The following CDC16 variants were observed in gnomAD, a reference collection of about 807,000 sequenced individuals.
CDC16 encodes cell division cycle protein 16 homolog.
Under a neutral mutation model 87.0 loss-of-function variants are expected in CDC16, and 34 were observed. That is an observed-to-expected ratio of 0.39 (90% confidence interval 0.30 to 0.52). The LOEUF (loss-of-function observed/expected upper bound fraction) is 0.52. Among genes scored for constraint, CDC16 ranks in the 20% least tolerant of loss-of-function variants. CDC16 has a pLI of 0.74. For missense variants in CDC16, 653 were observed against 751.9 expected, an observed-to-expected ratio of 0.87 and a Z score of 1.54; for synonymous variants, 263 against 260.6, an observed-to-expected ratio of 1.01 and a Z score of -0.09.
chr13:114,266,072 C>A (rs1377194283), intron 17 of CDC16, among the ~76,000 whole-genome samples: 1 of 152,200 alleles, frequency 6.6e-6, no homozygotes, highest in African/African-American at 2.4e-5. Flanking sequence ...CTGCCTCGGC[C>A]TCTCAAAGTG....
intron 17 of CDC16, among the ~76,000 whole-genome samples, chr13:114,270,447 G>T (rs1016831622): frequency 3.3e-5 from 5 of 152,202 alleles, no homozygotes; most frequent in African/African-American, 1.2e-4. Context: ...TTCACCCTGA[G>T]ATTTGGTGGG....
chr13:114,242,181 C>A lies in CDC16; in HGVS notation c.442C>A (p.Leu148Met). Reference protein sequence around the residue: ...KIYDALDNRTLATYSYKEALK... With the variant: ...KIYDALDNRTMATYSYKEALK... ...CTATGATGCTCTAGATAACCGAACC[C>A]TGGCTACCTACAGCTACAAAGAAGC... Residue 148 changes from leucine to methionine, a missense_variant, in exon 6 of 18, where the codon CTG becomes ATG. Leu to Met is a conservative substitution (Grantham distance 15). Coordinates refer to ENST00000356221, the MANE Select transcript of CDC16 (RefSeq NM_001078645.3). 1 of 1,614,082 alleles carries A rather than the reference C, an allele frequency of 6.2e-7. No individual in the cohort carries two copies. The highest frequency in any genetic ancestry group is 8.5e-7 in the Non-Finnish European group (1 of 1,180,002).
intron 6 of CDC16, 64 bp downstream of exon 6, chr13:114,242,344 C>T (rs763624912): frequency 2.0e-6 from 3 of 1,472,986 alleles, no homozygotes; most frequent in South Asian, 1.2e-5. Flanking sequence ...GATTTTTTGC[C>T]TCTGAAATCT....
intron 17 of CDC16, among the ~76,000 whole-genome samples, chr13:114,271,771 G>A (rs560883962): frequency 1.1e-4 from 17 of 152,164 alleles, no homozygotes; most frequent in South Asian, 8.3e-4. Context: ...GTGAGCCACC[G>A]CGCCTGGCCA....
At position 114,239,346 on chromosome 13, in the gene CDC16, G is replaced by C; in HGVS notation, c.241-4G>C. ...GATGAGCGGCACTTCTGTTTTCCACGTAGTATGCTGCAAAAGAGCACCAGC... is the reference window on the plus strand; with the variant it reads ...GATGAGCGGCACTTCTGTTTTCCACCTAGTATGCTGCAAAAGAGCACCAGC... On this transcript the variant is annotated splice_polypyrimidine_tract_variant and splice_region_variant and intron_variant, in intron 4 of 17. Coordinates refer to ENST00000356221, the MANE Select transcript of CDC16 (RefSeq NM_001078645.3). 1 of 1,597,786 alleles carries C rather than the reference G, an allele frequency of 6.3e-7. No homozygotes were observed. The highest frequency in any genetic ancestry group is 1.1e-5 in the South Asian group (1 of 89,744).
chr13:114,236,543 T>C (rs1449535858), intron 1 of CDC16, 102 bp from the exon 2 acceptor site: 3 of 937,142 alleles, frequency 3.2e-6, no homozygotes, highest in Non-Finnish European at 2.8e-6. Context: ...TTACATAGAA[T>C]TATATTAATA....
intron 11 of CDC16, among the ~76,000 whole-genome samples, chr13:114,249,905 A>C (rs188651753): frequency 1.3e-5 from 2 of 152,222 alleles, no homozygotes; most frequent in African/African-American, 4.8e-5. Flanking sequence ...CTATACTATT[A>C]AACAGTTTTA....
intron 11 of CDC16, among the ~76,000 whole-genome samples, chr13:114,248,544 G>T (rs2081986443): frequency 6.6e-6 from 1 of 152,100 alleles, no homozygotes; most frequent in Non-Finnish European, 1.5e-5. Context: ...AGCTGGACAT[G>T]GTGGCATGCA....
chr13:114,269,963 C>G (rs144014192), intron 17 of CDC16, among the ~76,000 whole-genome samples: 5 of 152,214 alleles, frequency 3.3e-5, no homozygotes, highest in Admixed American at 1.3e-4. Context: ...GCCTCAGTCT[C>G]CGAAAGTGCT....
chr13:114,234,974 G>GGGCGGCGGC lies in CDC16; in HGVS notation c.-104_-96dup, dbSNP rs201328050. On this transcript the variant is annotated 5_prime_UTR_variant, in exon 1 of 18. Transcript: ENST00000356221. ...TCGAGTCCGCGGCCTTCGAGTCCTG[G>GGGCGGCGGC]GGCGGCGGCGGCGGCTGCAGGCACG... The GGGCGGCGGC allele has an allele frequency of 1.1e-4, 84 of 778,638 alleles. 1 individual carries two copies. Among genetic ancestry groups the GGGCGGCGGC allele is most frequent in the South Asian group, 3.2e-4 (6 of 18,466 alleles). 48.2% of individuals were successfully genotyped at this position (778,638 alleles called of 1,614,324 possible).
intron 14 of CDC16, 151 bp downstream of exon 14, chr13:114,259,549 A>G: frequency 2.0e-6 from 1 of 500,228 alleles, no homozygotes; most frequent in Admixed American, 4.2e-5. Context: ...TTGTCAGTTA[A>G]CTGTTTTACC....
intron 17 of CDC16, 45 bp downstream of exon 17, chr13:114,265,285 G>A (rs758956282): frequency 2.5e-6 from 3 of 1,212,664 alleles, no homozygotes; most frequent in Non-Finnish European, 3.7e-6. Flanking sequence ...CCATTTTTTA[G>A]GTTGTCATAT....
rs2081424308 is a variant in CDC16, at chr13:114,239,332, C to T, written c.241-18C>T. The T allele has an allele frequency of 6.3e-7, 1 of 1,583,660 alleles. No homozygotes were observed. Among genetic ancestry groups the T allele is most frequent in the Non-Finnish European group, 8.6e-7 (1 of 1,158,356 alleles). On this transcript the variant is annotated intron_variant, in intron 4 of 17. Transcript: ENST00000356221. ...TAGAAGTCGTGAGTGATGAGCGGCACTTCTGTTTTCCACGTAGTATGCTGC... is the reference window on the plus strand; with the variant it reads ...TAGAAGTCGTGAGTGATGAGCGGCATTTCTGTTTTCCACGTAGTATGCTGC...
intron 9 of CDC16, 37 bp from the exon 10 acceptor site, chr13:114,245,963 A>G: frequency 8.4e-7 from 1 of 1,194,064 alleles, no homozygotes. Flanking sequence ...TACATGTGAT[A>G]CGAACAATTG....
At chr13:114,270,047 T>C (rs2083509123) in intron 17 of CDC16, among the ~76,000 whole-genome samples, 1 of 152,244 alleles carries the variant, frequency 6.6e-6, no homozygotes, top group African/African-American at 2.4e-5. Context: ...ATGTACTAAT[T>C]ACTTCCATTT....
intron 5 of CDC16, among the ~76,000 whole-genome samples, chr13:114,241,660 T>C (rs781670229): frequency 1.3e-5 from 2 of 152,226 alleles, no homozygotes; most frequent in Non-Finnish European, 2.9e-5. Context: ...GCATTTTTTG[T>C]GTGTTTTTAT....
At chr13:114,242,379 C>G (rs1328567188) in intron 6 of CDC16, 99 bp downstream of exon 6, 1 of 1,093,900 alleles carries the variant, frequency 9.1e-7, no homozygotes, top group Non-Finnish European at 1.3e-6. Context: ...AGGCCACATA[C>G]AGGTTTAAAT....
chr13:114,272,549 C>A lies in CDC16; in HGVS notation c.*106C>A. Reference sequence around the variant, plus strand: ...CACTTCCTAACGTGACTCCAAACTGCATCTCTACATTTAGGAACAGAGACC... The same window carrying A: ...CACTTCCTAACGTGACTCCAAACTGAATCTCTACATTTAGGAACAGAGACC... On this transcript the variant is annotated 3_prime_UTR_variant, in exon 18 of 18. Coordinates refer to ENST00000356221, the MANE Select transcript of CDC16 (RefSeq NM_001078645.3). 2.1e-6 allele frequency: 2 copies of A among 944,102 alleles called. No homozygotes were observed. The highest frequency in any genetic ancestry group is 1.6e-6 in the Non-Finnish European group (1 of 634,416). 58.5% of individuals were successfully genotyped at this position (944,102 alleles called of 1,614,324 possible). A position where few individuals can be genotyped will look rare whatever the true frequency, so the allele number is the denominator to read the frequency against.
chr13:114,257,475 A>G (rs754024795), intron 13 of CDC16, among the ~76,000 whole-genome samples: 4 of 152,238 alleles, frequency 2.6e-5, no homozygotes, highest in Non-Finnish European at 5.9e-5. Flanking sequence ...ATGATTGGAC[A>G]GTTCAGATTA....
Sources: gnomAD v4.1 joint callset for allele counts (sites outside exome capture counted in the v4.1 genomes callset) on GRCh38, gnomAD v4.1.1 for gene constraint, MANE v1.5 for transcripts, NCBI Gene and HGNC (gene_info 2026-07-23, HGNC 2026-07-21) for gene names.